Variants in MRTFA observed in about 807,000 individuals in gnomAD.
MRTFA encodes the protein myocardin related transcription factor A.
MRTFA carries 20 observed loss-of-function variants against 83.5 expected under a neutral mutation model. The observed-to-expected ratio is 0.24, with a 90% CI of 0.17 to 0.35. The LOEUF (loss-of-function observed/expected upper bound fraction) is 0.35, where lower values mean the gene tolerates loss of function less well. MRTFA is among the 10% of genes least tolerant of loss of function. MRTFA has a pLI of 1.00. For synonymous variants in MRTFA, 659 were observed against 541.2 expected (o/e 1.22, Z -3.02); for missense variants, 1,200 against 1,224.7 (o/e 0.98, Z 0.30).
At chr22:40,443,688 T>TC (rs1373064981) in intron 4 of MRTFA, among the ~76,000 whole-genome samples, 7 of 152,074 alleles carry the variant, frequency 4.6e-5, no homozygotes, top group Admixed American at 1.3e-4. Flanking sequence ...CATTCCCACC[T>TC]CCCCCTAAAG....
chr22:40,560,926 C>T (rs1212026300), intron 2 of MRTFA, among the ~76,000 whole-genome samples: 1 of 152,188 alleles, frequency 6.6e-6, no homozygotes, highest in Admixed American at 6.5e-5. Flanking sequence ...AACTCTAAAA[C>T]ATGAGCACTA....
chr22:40,417,647 C>T (rs1333314870), intron 12 of MRTFA, 154 bp from the exon 13 acceptor site: 4 of 615,024 alleles, frequency 6.5e-6, no homozygotes, highest in African/African-American at 5.6e-5. Flanking sequence ...TCATGAAAGC[C>T]ACTAGGTAGG....
chr22:40,635,194 C>G (rs2056681757), intron 1 of MRTFA, among the ~76,000 whole-genome samples: 1 of 152,214 alleles, frequency 6.6e-6, no homozygotes, highest in African/African-American at 2.4e-5. Flanking sequence ...AGGTTCCCCA[C>G]CCTGCAGTCA....
intron 14 of MRTFA, among the ~76,000 whole-genome samples, chr22:40,415,948 C>G (rs541059028): frequency 1.4e-3 from 219 of 152,296 alleles, no homozygotes; most frequent in African/African-American, 5.2e-3. Context: ...TCCCCCACCT[C>G]ACACCCTCGG....
chr22:40,480,743 CTTTTT>C (rs758150714), intron 3 of MRTFA, among the ~76,000 whole-genome samples: 29 of 93,522 alleles, frequency 3.1e-4, no homozygotes, highest in African/African-American at 9.6e-4. Flanking sequence ...GAGTTCAAGA[CTTTTT>C]TTTTTTTTTT....
intron 4 of MRTFA, among the ~76,000 whole-genome samples, chr22:40,453,751 A>T (rs1308347382): frequency 6.6e-6 from 1 of 152,184 alleles, no homozygotes; most frequent in Non-Finnish European, 1.5e-5. Context: ...TGTTAAAAAA[A>T]ATAGGAGTGG....
At position 40,418,773 on chromosome 22, in the gene MRTFA, C is replaced by T. The variant is rs1481031284; in HGVS notation, c.1965G>A (p.Leu655=). 4.5e-6 allele frequency: 7 copies of T among 1,567,340 alleles called. No homozygotes were observed. The highest frequency in any genetic ancestry group is 2.0e-4 in the Middle Eastern group (1 of 5,124). The change falls in exon 12 of 15, where the codon CTG becomes CTA. Residue 655 remains leucine (L), a synonymous_variant. Coordinates refer to ENST00000355630, the MANE Select transcript of MRTFA (RefSeq NM_020831.6). ...GCTGCTGGGCTCGCTTCTCCTGCTC[C>T]AGCTGCAGCTTGAGCCGCTCCACCA...
At chr22:40,567,654 A>G (rs761791421) in intron 2 of MRTFA, among the ~76,000 whole-genome samples, 1 of 152,196 alleles carries the variant, frequency 6.6e-6, no homozygotes, top group Non-Finnish European at 1.5e-5. Context: ...AATCTACAAT[A>G]ATAATTCTGT....
At chr22:40,615,249 T>A (rs1327367636) in intron 1 of MRTFA, among the ~76,000 whole-genome samples, 1 of 152,258 alleles carries the variant, frequency 6.6e-6, no homozygotes, top group Admixed American at 6.5e-5. Flanking sequence ...AAAAAGACTA[T>A]ACTTTCCCCT....
chr22:40,624,151 C>T (rs745900235), intron 1 of MRTFA, among the ~76,000 whole-genome samples: 4 of 152,012 alleles, frequency 2.6e-5, no homozygotes, highest in Non-Finnish European at 5.9e-5. Flanking sequence ...TGTCCAGGCA[C>T]AGTGGCTAAC....
intron 3 of MRTFA, among the ~76,000 whole-genome samples, chr22:40,520,657 T>G (rs1299539296): frequency 1.3e-5 from 2 of 152,228 alleles, no homozygotes; most frequent in Admixed American, 1.3e-4. Context: ...TCCACCTGCC[T>G]TGGCCTCCCA....
Position 40,629,441 on chromosome 22 carries a change from G to A in MRTFA, c.-84+7037C>T, listed in dbSNP as rs149685067. Among the ~76,000 whole-genome samples the A allele has an allele frequency of 7.5e-3, 1,013 of 134,354 alleles. 11 individuals are homozygous for A. Among genetic ancestry groups the A allele is most frequent in the African/African-American group, 0.027 (973 of 35,750 alleles). The allele number at this position is 134,354 out of a possible 152,430, so 88.1% of individuals were successfully genotyped here. On this transcript the variant is annotated intron_variant, in intron 1 of 14. Coordinates refer to ENST00000355630, the MANE Select transcript of MRTFA (RefSeq NM_020831.6). ...AGCCTGGTCAACAGAGCAAGACTCC[G>A]TCTCAAAACATAATTAAAAAAAAAA...
At chr22:40,630,537 C>T (rs182257882) in intron 1 of MRTFA, among the ~76,000 whole-genome samples, 4 of 152,182 alleles carry the variant, frequency 2.6e-5, no homozygotes, top group East Asian at 1.9e-4. Context: ...TTCCTTTCGA[C>T]GTAACAAATC....
At chr22:40,577,913 G>C (rs1195100247) in intron 2 of MRTFA, among the ~76,000 whole-genome samples, 2 of 149,894 alleles carry the variant, frequency 1.3e-5, no homozygotes, top group African/African-American at 4.9e-5. Flanking sequence ...GCCTACATCT[G>C]ATCTTTTTAA....
At chr22:40,614,367 C>T (rs1015752767) in intron 1 of MRTFA, among the ~76,000 whole-genome samples, 6 of 150,722 alleles carry the variant, frequency 4.0e-5, no homozygotes, top group Admixed American at 2.0e-4. Context: ...ACTATGATCA[C>T]GCCAAAGCAC....
chr22:40,464,788 C>T (rs560026521), intron 3 of MRTFA, among the ~76,000 whole-genome samples: 5 of 152,260 alleles, frequency 3.3e-5, no homozygotes, highest in Admixed American at 3.3e-4. Context: ...TTGTTTTCCT[C>T]CCAAAAACCT....
intron 10 of MRTFA, 111 bp from the exon 11 acceptor site, chr22:40,420,687 C>A: frequency 1.3e-6 from 2 of 1,539,418 alleles, no homozygotes; most frequent in South Asian, 1.2e-5. Flanking sequence ...GGGGCAAGGG[C>A]CCAGCAAAGG....
chr22:40,602,832 G>A (rs1414411478), intron 1 of MRTFA, among the ~76,000 whole-genome samples: 1 of 152,138 alleles, frequency 6.6e-6, no homozygotes, highest in African/African-American at 2.4e-5. Flanking sequence ...GGGTGACAGA[G>A]CGAGACTCCA....
At position 40,417,900 on chromosome 22, in the gene MRTFA, G is replaced by A. The variant is rs1027151875; in HGVS notation, c.2365-407C>T. On this transcript the variant is annotated intron_variant, in intron 12 of 14. Coordinates refer to ENST00000355630, the MANE Select transcript of MRTFA (RefSeq NM_020831.6). The stretch of plus-strand genomic sequence containing the variant: ...AAGCCTTAGGGCAGCCTCACCTGTG[G>A]CCTGGGCTGAGAGAGGGTCTGCTGA... 7.9e-5 allele frequency among the ~76,000 whole-genome samples: 12 copies of A among 152,286 alleles called. No individual in the cohort carries two copies. The East Asian group carries it at 2.3e-3, about 29-fold the overall frequency.
Sources: allele counts gnomAD v4.1 joint callset (sites outside exome capture counted in the v4.1 genomes callset), GRCh38; gene constraint gnomAD v4.1.1; transcripts MANE v1.5; gene names NCBI Gene and HGNC (gene_info 2026-07-23, HGNC 2026-07-21).